Variants in NCBP2 observed in about 807,000 individuals in gnomAD.
The protein encoded by NCBP2 is nuclear cap binding protein subunit 2, also known as nuclear cap-binding protein subunit 2.
A neutral mutation model predicts 21.5 loss-of-function variants in NCBP2; 8 were observed. The ratio of observed to expected loss-of-function variants is 0.37; its 90% CI spans 0.22 to 0.67. The LOEUF (loss-of-function observed/expected upper bound fraction) is 0.67, where lower values mean the gene tolerates loss of function less well. Among genes scored for constraint, NCBP2 ranks in the 30% least tolerant of loss-of-function variants. NCBP2 has a pLI of 0.56. For missense variants in NCBP2, 127 were observed against 206.9 expected (o/e 0.61, Z 2.37); for synonymous variants, 92 against 75.8 (o/e 1.21, Z -1.11).
chr3:196,942,353 A>G lies in NCBP2; in HGVS notation c.78+73T>C, dbSNP rs1054109373. 1.9e-6 allele frequency: 3 copies of G among 1,563,600 alleles called. 1 individual carries two copies. The highest frequency in any genetic ancestry group is 2.6e-6 in the Non-Finnish European group (3 of 1,155,684). ...TTTCAGCTGAATGGGAGGCGACACA[A>G]TGAGACAAGAGCAAACCGTTTCTCA... is the stretch of plus-strand genomic sequence containing the variant. On this transcript the variant is annotated intron_variant, in intron 1 of 3. Coordinates refer to ENST00000321256, the MANE Select transcript of NCBP2 (RefSeq NM_007362.5).
intron 2 of NCBP2, 64 bp downstream of exon 2, chr3:196,939,187 T>C: frequency 6.8e-7 from 1 of 1,461,128 alleles, no homozygotes; most frequent in Non-Finnish European, 9.6e-7. Context: ...CAGGGACGCT[T>C]ATGAGCTACC....
chr3:196,937,220 C>A, intron 3 of NCBP2, 138 bp from the exon 4 acceptor site: 3 of 884,236 alleles, frequency 3.4e-6, no homozygotes, highest in Non-Finnish European at 5.5e-6. Context: ...ATATGCACTT[C>A]AGCTCACTTC....
At position 196,935,954 on chromosome 3, in the gene NCBP2, T is replaced by A. The variant is rs1226027413; in HGVS notation, c.*1057A>T. ...AAATGAGAAATGGCTAAAAGAGGCATCTGCTGCAGGAACCTTCTGTGACTG... is the reference window on the plus strand; with the variant it reads ...AAATGAGAAATGGCTAAAAGAGGCAACTGCTGCAGGAACCTTCTGTGACTG... On this transcript the variant is annotated 3_prime_UTR_variant, in exon 4 of 4. Transcript: ENST00000321256. The A allele has an allele frequency of 6.6e-6, 1 of 152,190 alleles. No individual in the cohort carries two copies. The highest frequency in any genetic ancestry group is 1.5e-5 in the Non-Finnish European group (1 of 68,036). 9.4% of individuals were successfully genotyped at this position (152,190 alleles called of 1,614,324 possible).
chr3:196,942,528 C>G lies in NCBP2; in HGVS notation c.-25G>C. The G allele has an allele frequency of 1.2e-6, 2 of 1,605,072 alleles. No homozygotes were observed. Among genetic ancestry groups the G allele is most frequent in the Non-Finnish European group, 1.7e-6 (2 of 1,174,866 alleles). On this transcript the variant is annotated 5_prime_UTR_variant, in exon 1 of 4. Coordinates refer to ENST00000321256, the MANE Select transcript of NCBP2 (RefSeq NM_007362.5). ...TAGTGCAGAGAAGCGGACCACAATGCGGCGACTCCCGGCACGAGGCTGCGT... is the reference window on the plus strand; with the variant it reads ...TAGTGCAGAGAAGCGGACCACAATGGGGCGACTCCCGGCACGAGGCTGCGT...
intron 2 of NCBP2, chr3:196,938,620 A>G (rs1272233079): frequency 6.6e-6 from 1 of 152,342 alleles, no homozygotes; most frequent in Non-Finnish European, 1.5e-5. Context: ...GAAATACTAT[A>G]CAGCTATTTA....
chr3:196,942,067 G>A, intron 1 of NCBP2: 1 of 1,527,368 alleles, frequency 6.5e-7, no homozygotes, highest in African/African-American at 1.4e-5. Flanking sequence ...CCTACTCTGG[G>A]AGAGAGAAGG....
At chr3:196,938,992 C>G in intron 2 of NCBP2, 1 of 361,844 alleles carries the variant, frequency 2.8e-6, no homozygotes, top group East Asian at 4.7e-5. Context: ...TATATTTTCA[C>G]TACATTCTTT....
chr3:196,941,769 A>T, intron 1 of NCBP2: 4 of 740,124 alleles, frequency 5.4e-6, no homozygotes, highest in Admixed American at 2.9e-5. Context: ...TCCACAAAAT[A>T]TACTGTGATA....
chr3:196,939,330 T>A lies in NCBP2; in HGVS notation c.181A>T (p.Ser61Cys). The A allele has an allele frequency of 1.2e-6, 2 of 1,613,524 alleles. No individual in the cohort carries two copies. The highest frequency in any genetic ancestry group is 1.7e-6 in the Non-Finnish European group (2 of 1,179,390). The change falls in exon 2 of 4, where the codon AGC becomes TGC. Residue 61 changes from serine (S) to cysteine (C), a missense_variant. By Grantham distance (112) the Ser-to-Cys change is moderately radical (BLOSUM62 -1). Transcript: ENST00000321256. ...TTEEQIYELF[S>C]KSGDIKKIIM... ...ATTTTCTTTATGTCACCACTTTTGC[T>A]GAAGAGTTCATAGATTTGTTCTTCA...
chr3:196,939,575 A>C, intron 1 of NCBP2, 143 bp from the exon 2 acceptor site: 1 of 698,430 alleles, frequency 1.4e-6, no homozygotes, highest in Non-Finnish European at 2.3e-6. Context: ...CCTTGCCCAA[A>C]AAGGGGGATG....
chr3:196,939,231 T>C lies in NCBP2; in HGVS notation c.260+20A>G, dbSNP rs1324355856. 5.6e-6 allele frequency: 9 copies of C among 1,604,758 alleles called. No individual in the cohort carries two copies. In the East Asian group the frequency reaches 1.1e-4, roughly 20 times the overall value. ...CTCTACCCTGGTTCAGCAGCTACATTAGATCCATGGGAAGGATACTCCACA... is the reference window on the plus strand; with the variant it reads ...CTCTACCCTGGTTCAGCAGCTACATCAGATCCATGGGAAGGATACTCCACA... On this transcript the variant is annotated intron_variant, in intron 2 of 3. Transcript: ENST00000321256.
Position 196,939,364 on chromosome 3 carries a change from AAAAG to A in NCBP2, c.143_146del (p.Ser48PhefsTer18), listed in dbSNP as rs753849560. 4 of 1,613,096 alleles carry A rather than the reference AAAAG, an allele frequency of 2.5e-6. No individual in the cohort carries two copies. Among genetic ancestry groups the A allele is most frequent in the Non-Finnish European group, 2.5e-6 (3 of 1,179,226 alleles). ...CATAGATTTGTTCTTCAGTTGTGTA[AAAAG>A]AAAGATTTCCAACATATAACGTACA... On this transcript the variant is annotated frameshift_variant, in exon 2 of 4. Transcript: ENST00000321256. LOFTEE classifies it high-confidence loss of function.
chr3:196,941,783 T>C, intron 1 of NCBP2: 1 of 861,846 alleles, frequency 1.2e-6, no homozygotes, highest in Admixed American at 2.4e-5. Flanking sequence ...TGTGATATAG[T>C]CCGGACTAAA....
intron 2 of NCBP2, chr3:196,938,096 C>G (rs1295374949): frequency 6.4e-6 from 1 of 155,900 alleles, no homozygotes; most frequent in African/African-American, 2.4e-5. Context: ...AAACCTACTT[C>G]ATCAGAGACC....
Position 196,935,692 on chromosome 3 carries a change from C to T in NCBP2, c.*1319G>A, listed in dbSNP as rs531900917. The stretch of plus-strand genomic sequence containing the variant: ...TTAGGTACTTCAGCCCCAACTTTCA[C>T]GGACTATTGGAAATTAGAAGGTACT... On this transcript the variant is annotated 3_prime_UTR_variant, in exon 4 of 4. Transcript: ENST00000321256. 10 of 152,264 alleles carry T rather than the reference C, an allele frequency of 6.6e-5. No homozygotes were observed. The highest frequency in any genetic ancestry group is 3.4e-3 in the Middle Eastern group (1 of 294). The allele number at this position is 152,264 out of a possible 1,614,324, so 9.4% of individuals were successfully genotyped here.
intron 2 of NCBP2, chr3:196,938,153 TAAGAC>T: frequency 1.3e-5 from 2 of 153,944 alleles, no homozygotes; most frequent in Middle Eastern, 3.4e-3. Flanking sequence ...CAAATAAAAA[TAAGAC>T]AACAGTGTTC....
At chr3:196,941,907 G>A (rs1468615311) in intron 1 of NCBP2, 4 of 1,535,992 alleles carry the variant, frequency 2.6e-6, no homozygotes, top group African/African-American at 1.4e-5. Context: ...AGGGCGGAGT[G>A]AGGACTCCAC....
chr3:196,937,088 A>C lies in NCBP2; in HGVS notation c.400-6T>G, dbSNP rs1321707117. On this transcript the variant is annotated splice_region_variant and splice_polypyrimidine_tract_variant and intron_variant, in intron 3 of 3. Transcript: ENST00000321256. ...TGCCGATACTCATCCCGAACCTTTA[A>C]TGGAAAGAATCCAGAGTTACAGTAT... 1.9e-6 allele frequency: 3 copies of C among 1,613,874 alleles called. No homozygotes were observed. In the Admixed American group the frequency reaches 5.0e-5, roughly 27 times the overall value.
intron 1 of NCBP2, among the ~76,000 whole-genome samples, chr3:196,940,365 T>C (rs542036516): frequency 2.7e-5 from 4 of 146,116 alleles, no homozygotes; most frequent in African/African-American, 1.1e-4. Flanking sequence ...AGAGTGAAAC[T>C]CTATCTCAAA....
Sources: allele counts gnomAD v4.1 joint callset (sites outside exome capture counted in the v4.1 genomes callset), GRCh38; gene constraint gnomAD v4.1.1; transcripts MANE v1.5; gene names NCBI Gene and HGNC (gene_info 2026-07-23, HGNC 2026-07-21).